BRCA2: variants seen among roughly 807,000 people sequenced by gnomAD.
BRCA2 encodes the protein BRCA2 DNA repair associated.
BRCA2 carries 203 observed loss-of-function variants against 276.7 expected under a neutral mutation model. The ratio of observed to expected loss-of-function variants is 0.73; its 90% confidence interval spans 0.65 to 0.82. The LOEUF is 0.82. Among genes scored for constraint, BRCA2 ranks in the 40% least tolerant of loss-of-function variants. The pLI is 0.00. For missense variants in BRCA2, 3,920 were observed against 3,915.0 expected (o/e 1.00, Z -0.03); for synonymous variants, 1,289 against 1,338.4 (o/e 0.96, Z 0.81).
intron 4 of BRCA2, among the ~76,000 whole-genome samples, 198 bp downstream of exon 4, chr13:32,325,382 T>C (rs1365791776): frequency 2.0e-5 from 3 of 152,214 alleles, no homozygotes; most frequent in Non-Finnish European, 4.4e-5. Flanking sequence ...GTTGTTGTTC[T>C]TGTGATGTTG....
At chr13:32,333,463 CTT>C in intron 10 of BRCA2, 76 bp downstream of exon 10, 1 of 1,475,994 alleles carries the variant, frequency 6.8e-7, no homozygotes, top group African/African-American at 1.4e-5. Context: ...TTTTTTTCTG[CTT>C]TTTAAAATCT....
chr13:32,338,296 A>G lies in BRCA2; in HGVS notation c.3941A>G (p.Lys1314Arg), dbSNP rs1344698119. ...GTTGAAGAAATTACTGAAAATTACA[A>G]GAGAAATACTGAAAATGAAGATAAC... The part of the protein sequence containing the change: ...TFVEEITENY[K>R]RNTENEDNKY... Residue 1314 changes from lysine (K) to arginine (R), a missense_variant, in exon 11 of 27, where the codon AAG (lysine) becomes AGG (arginine). Transcript: ENST00000380152. The G allele has an allele frequency of 2.5e-6, 4 of 1,578,966 alleles. No individual in the cohort carries two copies. The highest frequency in any genetic ancestry group is 3.4e-6 in the Non-Finnish European group (4 of 1,164,992).
At chr13:32,364,846 C>G (rs1002688112) in intron 18 of BRCA2, among the ~76,000 whole-genome samples, 2 of 152,138 alleles carry the variant, frequency 1.3e-5, no homozygotes, top group Admixed American at 1.3e-4. Context: ...CCATACAGCT[C>G]TCATTCTGTA....
intron 24 of BRCA2, among the ~76,000 whole-genome samples, chr13:32,383,277 G>A (rs145368782): frequency 8.5e-5 from 13 of 152,216 alleles, no homozygotes; most frequent in Admixed American, 1.3e-4. Flanking sequence ...GGAGAATGGC[G>A]TGAACCTGGG....
chr13:32,316,384 A>G, intron 1 of BRCA2, 38 bp from the exon 2 acceptor site: 1 of 1,276,974 alleles, frequency 7.8e-7, no homozygotes, highest in South Asian at 1.2e-5. Flanking sequence ...TAAGGAATGC[A>G]TCCCTGTGTA....
At chr13:32,347,088 A>G (rs1251959505) in intron 13 of BRCA2, among the ~76,000 whole-genome samples, 192 bp downstream of exon 13, 2 of 152,088 alleles carry the variant, frequency 1.3e-5, no homozygotes, top group Non-Finnish European at 2.9e-5. Flanking sequence ...TAATTTTATG[A>G]CAGCTTTGTA....
intron 18 of BRCA2, among the ~76,000 whole-genome samples, chr13:32,367,330 G>A (rs1300671632): frequency 1.3e-5 from 2 of 151,990 alleles, no homozygotes; most frequent in East Asian, 1.9e-4. Context: ...CAGCTATTTG[G>A]GAGGCTGAGG....
intron 13 of BRCA2, among the ~76,000 whole-genome samples, chr13:32,349,005 TGA>T (rs1315592804): frequency 6.6e-6 from 1 of 152,128 alleles, no homozygotes; most frequent in Admixed American, 6.5e-5. Context: ...GTAGATCACT[TGA>T]GGCCAGGAGT....
chr13:32,322,047 T>C (rs1286532948), intron 3 of BRCA2, among the ~76,000 whole-genome samples: 1 of 152,260 alleles, frequency 6.6e-6, no homozygotes, highest in Non-Finnish European at 1.5e-5. Flanking sequence ...TGTATGGTTC[T>C]ATGGATTTTG....
chr13:32,369,499 G>A (rs2072812538), intron 18 of BRCA2, among the ~76,000 whole-genome samples: 1 of 152,180 alleles, frequency 6.6e-6, no homozygotes, highest in Non-Finnish European at 1.5e-5. Flanking sequence ...GGCAAGTTGT[G>A]TAGTTTCTCA....
Position 32,380,095 on chromosome 13 carries a change from G to A in BRCA2, c.9206G>A (p.Cys3069Tyr), listed in dbSNP as rs587782091. Reference sequence around the variant, plus strand: ...TTAGATCCAGACTTTCAGCCATCTTGTTCTGAGGTGGACCTAATAGGATTT... The same window carrying A: ...TTAGATCCAGACTTTCAGCCATCTTATTCTGAGGTGGACCTAATAGGATTT... ...KFLDPDFQPS[C>Y]SEVDLIGFVV... The change falls in exon 24 of 27, where the codon TGT becomes TAT. Residue 3069 changes from cysteine to tyrosine, a missense_variant. Coordinates refer to ENST00000380152, the MANE Select transcript of BRCA2 (RefSeq NM_000059.4). The A allele has an allele frequency of 1.2e-6, 2 of 1,614,038 alleles. No homozygotes were observed. The highest frequency in any genetic ancestry group is 1.7e-4 in the Middle Eastern group (1 of 6,060).
chr13:32,359,067 C>A lies in BRCA2; in HGVS notation c.7805+1138C>A, dbSNP rs561212447. ...CAAAACCCCATCTCTACTAAAAATA[C>A]AAAAATTAGCTGGACGTGGTGGCAC... is the stretch of plus-strand genomic sequence containing the variant. On this transcript the variant is annotated intron_variant, in intron 16 of 26. Transcript: ENST00000380152. Among the ~76,000 whole-genome samples, 13 of 151,892 alleles carry A rather than the reference C, an allele frequency of 8.6e-5. 1 individual carries two copies. In the East Asian group the frequency reaches 2.5e-3, roughly 29 times the overall value.
At chr13:32,394,298 A>G (rs2073018159) in intron 24 of BRCA2, among the ~76,000 whole-genome samples, 2 of 152,182 alleles carry the variant, frequency 1.3e-5, no homozygotes, top group African/African-American at 4.8e-5. Context: ...TGTGTATTTT[A>G]CTATTATTAG....
At position 32,354,922 on chromosome 13, in the gene BRCA2, C is replaced by T. The variant is rs1316815571; in HGVS notation, c.7069C>T (p.Leu2357=). Residue 2357 remains leucine, a synonymous_variant, in exon 14 of 27, where the codon CTG becomes TTG. Transcript: ENST00000380152. ...PNFTAPGQEF[L]SKSHLYEHLT... is the part of the protein sequence containing the mutation. Reference sequence around the variant, plus strand: ...TTTTACCGCACCTGGTCAAGAATTTCTGTCTAAATCTCATTTGTATGAACA... The same window carrying T: ...TTTTACCGCACCTGGTCAAGAATTTTTGTCTAAATCTCATTTGTATGAACA... 1 of 1,613,562 alleles carries T rather than the reference C, an allele frequency of 6.2e-7. No homozygotes were observed. Among genetic ancestry groups the T allele is most frequent in the Non-Finnish European group, 8.5e-7 (1 of 1,179,788 alleles).
rs80359462 is a variant in BRCA2, at chr13:32,338,988, C to CT, written c.4638dup (p.Asp1547Ter). 6.2e-7 allele frequency: 1 copy of CT among 1,613,352 alleles called. No individual in the cohort carries two copies. Among genetic ancestry groups the CT allele is most frequent in the South Asian group, 1.1e-5 (1 of 90,914 alleles). On this transcript the variant is annotated frameshift_variant, in exon 11 of 27. Coordinates refer to ENST00000380152, the MANE Select transcript of BRCA2 (RefSeq NM_000059.4). LOFTEE classifies it high-confidence loss of function. ...GGAATCTTTGGACAAAGTGAAAAAC[C>CT]TTTTTGATGAAAAAGAGCAAGGTAC...
intron 2 of BRCA2, among the ~76,000 whole-genome samples, chr13:32,317,469 G>A (rs1301372295): frequency 6.6e-6 from 1 of 152,112 alleles, no homozygotes. Flanking sequence ...TATTTTAATA[G>A]TTTTCAGTTA....
At chr13:32,375,535 T>C (rs1010043933) in intron 20 of BRCA2, 13 of 245,198 alleles carry the variant, frequency 5.3e-5, no homozygotes, top group Non-Finnish European at 7.4e-5. Context: ...GAAATCACTA[T>C]GGCAGCTATT....
chr13:32,397,328 A>G (rs190631974), intron 26 of BRCA2, among the ~76,000 whole-genome samples: 192 of 152,326 alleles, frequency 1.3e-3, no homozygotes, highest in African/African-American at 4.3e-3. Context: ...GTTGTTTCTA[A>G]GCTGTTTGTA....
chr13:32,398,936 G>A lies in BRCA2; in HGVS notation c.*166G>A, dbSNP rs1482740177. 65 of 800,210 alleles carry A rather than the reference G, an allele frequency of 8.1e-5. 1 individual carries two copies. The highest frequency in any genetic ancestry group is 6.7e-4 in the South Asian group (34 of 50,496). 49.6% of individuals were successfully genotyped at this position (800,210 alleles called of 1,614,324 possible). On this transcript the variant is annotated 3_prime_UTR_variant, in exon 27 of 27. Coordinates refer to ENST00000380152, the MANE Select transcript of BRCA2 (RefSeq NM_000059.4). ...GTATCGGGCAAAAATCGTTTTGCCC[G>A]ATTCCGTATTGGTATACTTTTGCTT...
Sources: allele counts gnomAD v4.1 joint callset (sites outside exome capture counted in the v4.1 genomes callset), GRCh38; gene constraint gnomAD v4.1.1; transcripts MANE v1.5; gene names NCBI Gene and HGNC (gene_info 2026-07-23, HGNC 2026-07-21).